The following WFS1 variants were observed in gnomAD, a reference collection of about 807,000 sequenced individuals.
WFS1 encodes wolframin.
In WFS1, 90 loss-of-function variants were observed where a neutral mutation model predicts 68.5. The observed-to-expected ratio is 1.31, with a 90% confidence interval of 1.11 to 1.56. The LOEUF is 1.56. WFS1 is among the 40% of genes most tolerant of loss of function. The pLI is 0.00. For missense variants in WFS1, 1,767 were observed against 1,232.6 expected, an observed-to-expected ratio of 1.43 and a Z score of -6.49; for synonymous variants, 860 against 540.7, an observed-to-expected ratio of 1.59 and a Z score of -8.19.
intron 1 of WFS1, among the ~76,000 whole-genome samples, chr4:6,276,294 C>T (rs1729992914): frequency 6.6e-6 from 1 of 152,192 alleles, no homozygotes; most frequent in Non-Finnish European, 1.5e-5. Context: ...AGCTCTGTGT[C>T]TGTGGCCGGT....
intron 2 of WFS1, among the ~76,000 whole-genome samples, chr4:6,285,609 C>T (rs534762013): frequency 2.0e-5 from 3 of 152,226 alleles, no homozygotes; most frequent in Non-Finnish European, 4.4e-5. Flanking sequence ...TCCCTCTGCC[C>T]TCTCCAAACT....
chr4:6,302,164 C>T lies in WFS1; in HGVS notation c.2369C>T (p.Ser790Leu), dbSNP rs369107336. The change falls in exon 8 of 8, where the codon TCG becomes TTG. Residue 790 changes from serine to leucine, a missense_variant. Coordinates refer to ENST00000226760, the MANE Select transcript of WFS1 (RefSeq NM_006005.3). ...GMPFSSGADGSRSREEDDVTK... is the reference protein window; with the variant it reads ...GMPFSSGADGLRSREEDDVTK... The stretch of plus-strand genomic sequence containing the variant: ...CCATTCAGCAGCGGCGCTGACGGCT[C>T]GCGCAGCCGCGAGGAGGACGACGTC... The T allele has an allele frequency of 1.1e-4, 180 of 1,612,616 alleles. No homozygotes were observed. The highest frequency in any genetic ancestry group is 6.9e-4 in the East Asian group (31 of 44,888).
In WFS1 at chr4:6,292,000, G is replaced by C. The variant is rs1209281995; in HGVS notation, c.712+3G>C. On this transcript the variant is annotated splice_donor_region_variant and intron_variant, in intron 6 of 7. Transcript: ENST00000226760. The stretch of plus-strand genomic sequence containing the variant: ...GGAGCGCCTGGTCAGCAGCGAGTGT[G>C]AGTGCAGCCCCTGCCCCGTCTCACC... 1 of 1,605,044 alleles carries C rather than the reference G, an allele frequency of 6.2e-7. No individual in the cohort carries two copies. Among genetic ancestry groups the C allele is most frequent in the East Asian group, 2.2e-5 (1 of 44,472 alleles).
chr4:6,273,024 G>A (rs534143638), intron 1 of WFS1, among the ~76,000 whole-genome samples: 2 of 152,246 alleles, frequency 1.3e-5, no homozygotes, highest in Non-Finnish European at 2.9e-5. Context: ...GACTCCCCTG[G>A]ACTGGCATCC....
At chr4:6,293,063 G>A (rs773849398) in intron 6 of WFS1, among the ~76,000 whole-genome samples, 16 of 152,208 alleles carry the variant, frequency 1.1e-4, no homozygotes, top group Admixed American at 7.2e-4. Flanking sequence ...TAGGAAGCCC[G>A]AGGACCAGAG....
chr4:6,279,313 A>G (rs1730086989), intron 2 of WFS1, among the ~76,000 whole-genome samples: 1 of 152,220 alleles, frequency 6.6e-6, no homozygotes, highest in African/African-American at 2.4e-5. Context: ...TCCCCGAGCT[A>G]GGCATCTTTT....
chr4:6,299,438 G>C (rs78898216), intron 7 of WFS1, among the ~76,000 whole-genome samples: 2 of 151,790 alleles, frequency 1.3e-5, no homozygotes, highest in Non-Finnish European at 2.9e-5. Flanking sequence ...AGGTGCACAC[G>C]TGTAGGGGTG....
rs1731026411 is a variant in WFS1, at chr4:6,303,150, GCGGC to G, written c.*683_*686del. On this transcript the variant is annotated 3_prime_UTR_variant, in exon 8 of 8. Transcript: ENST00000226760. ...TTGGGAAACAGAGAACCCTGTGGGG[GCGGC>G]TGTGGGGGAGGTCCCTGCCAGTGTT... 1 of 153,592 alleles carries G rather than the reference GCGGC, an allele frequency of 6.5e-6. No individual in the cohort carries two copies. Among genetic ancestry groups the G allele is most frequent in the Non-Finnish European group, 1.4e-5 (1 of 69,010 alleles). The allele number at this position is 153,592 out of a possible 1,614,324, so 9.5% of individuals were successfully genotyped here.
intron 2 of WFS1, among the ~76,000 whole-genome samples, chr4:6,285,683 T>G (rs1341190570): frequency 6.6e-6 from 1 of 152,234 alleles, no homozygotes; most frequent in Non-Finnish European, 1.5e-5. Flanking sequence ...ACTGGAGTCC[T>G]GTCTCCTGTA....
chr4:6,294,353 G>A (rs938247664), intron 6 of WFS1, among the ~76,000 whole-genome samples: 6 of 152,182 alleles, frequency 3.9e-5, no homozygotes, highest in South Asian at 4.2e-4. Flanking sequence ...CAGTGGGCAC[G>A]TAGCAGGCTC....
chr4:6,293,701 A>G (rs796653478), intron 6 of WFS1, among the ~76,000 whole-genome samples: 1 of 152,144 alleles, frequency 6.6e-6, no homozygotes, highest in African/African-American at 2.4e-5. Flanking sequence ...CTCTCAGGAC[A>G]GGACATCCTG....
chr4:6,301,101 A>C lies in WFS1; in HGVS notation c.1306A>C (p.Thr436Pro). The C allele has an allele frequency of 6.2e-7, 1 of 1,613,486 alleles. No homozygotes were observed. The highest frequency in any genetic ancestry group is 8.5e-7 in the Non-Finnish European group (1 of 1,179,922). The change falls in exon 8 of 8, where the codon ACC becomes CCC. Residue 436 changes from threonine to proline, a missense_variant. By Grantham distance (38) the Thr-to-Pro change is conservative. Coordinates refer to ENST00000226760, the MANE Select transcript of WFS1 (RefSeq NM_006005.3). ...CIPCSELAVI[T>P]GFFTVTSYLS... ...CCCCTGCTCGGAGCTGGCTGTCATC[A>C]CCGGCTTCTTTACCGTGACCAGCTA...
intron 7 of WFS1, 40 bp from the exon 8 acceptor site, chr4:6,300,617 C>A: frequency 6.2e-7 from 1 of 1,613,200 alleles, no homozygotes. Flanking sequence ...CAGTGGGGGT[C>A]CTGTCCCAGC....
intron 3 of WFS1, chr4:6,288,508 A>G (rs1434177506): frequency 4.1e-6 from 1 of 245,916 alleles, no homozygotes; most frequent in East Asian, 1.0e-4. Context: ...CATGGACAAC[A>G]TGTAAATGAA....
chr4:6,285,774 G>A (rs1730293858), intron 2 of WFS1, among the ~76,000 whole-genome samples: 1 of 152,240 alleles, frequency 6.6e-6, no homozygotes, highest in Admixed American at 6.5e-5. Flanking sequence ...GTATGGTTCT[G>A]GGAAAGCCCT....
chr4:6,274,346 C>A (rs183943379), intron 1 of WFS1, among the ~76,000 whole-genome samples: 57 of 152,132 alleles, frequency 3.7e-4, no homozygotes, highest in Non-Finnish European at 7.2e-4. Context: ...CGCGCCTGGC[C>A]GGCTTAGTTT....
intron 1 of WFS1, among the ~76,000 whole-genome samples, chr4:6,273,191 A>G (rs973579860): frequency 3.3e-5 from 5 of 152,250 alleles, no homozygotes; most frequent in African/African-American, 1.2e-4. Context: ...GCAGAAGGCC[A>G]CGTGTGGTCA....
rs765636028 is a variant in WFS1 at position 6,287,182 on chromosome 4, A to T, written c.315+7A>T. The T allele has an allele frequency of 1.9e-6, 3 of 1,555,426 alleles. No homozygotes were observed. The East Asian group carries it at 7.1e-5, about 37-fold the overall frequency. ...CCCCAAGGCACAGACTGAGGTGAGG[A>T]CTGCGGTGCCGGCAGGGACTTCGGG... On this transcript the variant is annotated splice_region_variant and intron_variant, in intron 3 of 7. Coordinates refer to ENST00000226760, the MANE Select transcript of WFS1 (RefSeq NM_006005.3). This position sits in a 1 kb window ranked among gnomAD's most constrained non-coding sequence, Gnocchi z 6.4.
At chr4:6,286,894 G>C (rs899736344) in intron 2 of WFS1, among the ~76,000 whole-genome samples, 199 bp from the exon 3 acceptor site, 1 of 152,172 alleles carries the variant, frequency 6.6e-6, no homozygotes, top group Admixed American at 6.5e-5. Flanking sequence ...TTGCTCTGGC[G>C]CTGCTTGTGA....
Sources: gnomAD v4.1 joint callset for allele counts (sites outside exome capture counted in the v4.1 genomes callset) on GRCh38, gnomAD v4.1.1 for gene constraint, Gnocchi (gnomAD v3.1) non-coding constraint, MANE v1.5 for transcripts, NCBI Gene and HGNC (gene_info 2026-07-23, HGNC 2026-07-21) for gene names.